GRID2: variants seen among roughly 807,000 people sequenced by gnomAD.
GRID2 encodes glutamate ionotropic receptor delta type subunit 2, also known as glutamate receptor ionotropic, delta-2.
GRID2 carries 33 observed loss-of-function variants against 114.8 expected under a neutral mutation model. The ratio of observed to expected loss-of-function variants is 0.29; its 90% confidence interval spans 0.22 to 0.38. The LOEUF is 0.38. Among genes scored for constraint, GRID2 ranks in the 10% least tolerant of loss-of-function variants. The pLI, the probability that GRID2 is intolerant of heterozygous loss-of-function variation, is 1.00. For synonymous variants in GRID2, 505 were observed against 449.9 expected (o/e 1.12, Z -1.55); for missense variants, 1,184 against 1,257.7 (o/e 0.94, Z 0.89).
chr4:93,037,831 G>T (rs1290489602), intron 2 of GRID2, among the ~76,000 whole-genome samples: 1 of 152,126 alleles, frequency 6.6e-6, no homozygotes, highest in Non-Finnish European at 1.5e-5. Context: ...TGCTGTTTTT[G>T]TTACTGTAGC....
At chr4:92,943,349 C>G (rs1026590485) in intron 2 of GRID2, among the ~76,000 whole-genome samples, 1 of 152,100 alleles carries the variant, frequency 6.6e-6, no homozygotes, top group Non-Finnish European at 1.5e-5. Flanking sequence ...TCACTGATAC[C>G]CTTTCTTCCA....
chr4:92,932,265 C>A (rs1690506978), intron 2 of GRID2, among the ~76,000 whole-genome samples: 1 of 151,150 alleles, frequency 6.6e-6, no homozygotes, highest in Non-Finnish European at 1.5e-5. Context: ...GGGTCGTCAC[C>A]TTAATGTGAG....
chr4:92,814,335 C>G (rs1370041155), intron 2 of GRID2, among the ~76,000 whole-genome samples: 1 of 152,042 alleles, frequency 6.6e-6, no homozygotes, highest in African/African-American at 2.4e-5. Flanking sequence ...CTAGTAATAA[C>G]TAAAGAGGAG....
chr4:93,114,048 G>A (rs1733017197), intron 4 of GRID2, among the ~76,000 whole-genome samples: 1 of 152,116 alleles, frequency 6.6e-6, no homozygotes, highest in South Asian at 2.1e-4. Context: ...CAGAACCAGG[G>A]ATATCTGTTT....
At chr4:93,470,567 C>T (rs1479538888) in intron 11 of GRID2, among the ~76,000 whole-genome samples, 4 of 151,966 alleles carry the variant, frequency 2.6e-5, no homozygotes, top group Non-Finnish European at 5.9e-5. Flanking sequence ...ATTCCATATA[C>T]CAAATAAATA....
intron 2 of GRID2, among the ~76,000 whole-genome samples, chr4:93,002,418 T>A (rs1209813896): frequency 6.6e-6 from 1 of 151,568 alleles, no homozygotes; most frequent in East Asian, 1.9e-4. Context: ...AAAAAAAACA[T>A]AGTTGATGGG....
chr4:92,701,759 C>T (rs755360730), intron 2 of GRID2, among the ~76,000 whole-genome samples: 35 of 152,054 alleles, frequency 2.3e-4, no homozygotes, highest in Non-Finnish European at 4.7e-4. Flanking sequence ...AGACTTTTGG[C>T]ATATGATTTC....
At chr4:93,216,625 C>T in intron 5 of GRID2, 113 bp from the exon 6 acceptor site, 1 of 711,410 alleles carries the variant, frequency 1.4e-6, no homozygotes, top group Admixed American at 2.5e-5. Flanking sequence ...AGCATTAAAA[C>T]CAATATATTA....
chr4:93,051,017 G>A lies in GRID2; in HGVS notation c.245-33978G>A, dbSNP rs546569835. Among the ~76,000 whole-genome samples, 40 of 152,098 alleles carry A rather than the reference G, an allele frequency of 2.6e-4. No individual in the cohort carries two copies. In the South Asian group the frequency reaches 2.9e-3, roughly 11 times the overall value. Reference sequence around the variant, plus strand: ...ATACCACTGAGGGATTTTCAGCTGTGAGTAAACAAATTCAGAGGAAATAGT... The same window carrying A: ...ATACCACTGAGGGATTTTCAGCTGTAAGTAAACAAATTCAGAGGAAATAGT... On this transcript the variant is annotated intron_variant, in intron 2 of 15. Coordinates refer to ENST00000282020, the MANE Select transcript of GRID2 (RefSeq NM_001510.4).
At chr4:93,025,679 A>C (rs1420781021) in intron 2 of GRID2, among the ~76,000 whole-genome samples, 2 of 151,760 alleles carry the variant, frequency 1.3e-5, no homozygotes, top group Non-Finnish European at 3.0e-5. Context: ...CCTTGCAGTA[A>C]GTAGCTTAAG....
intron 1 of GRID2, among the ~76,000 whole-genome samples, chr4:92,325,032 C>T (rs994950820): frequency 6.6e-6 from 1 of 151,826 alleles, no homozygotes; most frequent in Non-Finnish European, 1.5e-5. Context: ...TGTGCATGCA[C>T]AACTGAGCAT....
intron 1 of GRID2, among the ~76,000 whole-genome samples, chr4:92,375,216 T>C (rs1729297731): frequency 6.6e-6 from 1 of 152,166 alleles, no homozygotes; most frequent in Admixed American, 6.6e-5. Flanking sequence ...ATTTATACCA[T>C]TTAGTTTTCT....
chr4:93,681,857 G>T (rs1020988535), intron 14 of GRID2, among the ~76,000 whole-genome samples: 1 of 151,898 alleles, frequency 6.6e-6, no homozygotes, highest in Non-Finnish European at 1.5e-5. Context: ...TACCATTCAG[G>T]ACATAGGCAT....
chr4:93,626,885 G>A (rs962704221), intron 14 of GRID2, among the ~76,000 whole-genome samples: 2 of 152,102 alleles, frequency 1.3e-5, no homozygotes, highest in Non-Finnish European at 2.9e-5. Context: ...GTTTCCACCT[G>A]AATTTTTCAA....
At chr4:93,728,964 T>A (rs559213767) in intron 14 of GRID2, among the ~76,000 whole-genome samples, 28 of 152,328 alleles carry the variant, frequency 1.8e-4, no homozygotes, top group African/African-American at 5.1e-4. Flanking sequence ...TGTCTTTTAA[T>A]TGGAGCATTT....
chr4:92,645,962 C>T (rs1487659704), intron 2 of GRID2, among the ~76,000 whole-genome samples: 1 of 151,754 alleles, frequency 6.6e-6, no homozygotes. Flanking sequence ...ATTCACTTTT[C>T]TTGCAGTCAA....
Position 93,440,821 on chromosome 4 carries a change from G to T in GRID2, c.1546-14841G>T, listed in dbSNP as rs140518875. 6.3e-3 allele frequency among the ~76,000 whole-genome samples: 960 copies of T among 152,204 alleles called. 7 individuals carry two copies. Among genetic ancestry groups the T allele is most frequent in the African/African-American group, 0.022 (907 of 41,556 alleles). On this transcript the variant is annotated intron_variant, in intron 10 of 15. Coordinates refer to ENST00000282020, the MANE Select transcript of GRID2 (RefSeq NM_001510.4). ...ATTTAATTGGCAGACATTGCAAACA[G>T]CAAGGAGCAATTCAATCAGATAAAG...
At chr4:93,223,119 A>G (rs533164687) in intron 6 of GRID2, among the ~76,000 whole-genome samples, 1 of 152,188 alleles carries the variant, frequency 6.6e-6, no homozygotes, top group East Asian at 1.9e-4. Context: ...TTGGGTCTTT[A>G]CTGCCTAATT....
intron 1 of GRID2, among the ~76,000 whole-genome samples, chr4:92,395,906 T>C (rs1324048249): frequency 6.6e-6 from 1 of 151,890 alleles, no homozygotes; most frequent in Non-Finnish European, 1.5e-5. Flanking sequence ...TTTATACTTA[T>C]AGAAAACTAC....
Sources: allele counts gnomAD v4.1 joint callset (sites outside exome capture counted in the v4.1 genomes callset), GRCh38; gene constraint gnomAD v4.1.1; transcripts MANE v1.5; gene names NCBI Gene and HGNC (gene_info 2026-07-23, HGNC 2026-07-21).